Variants in RHBDD1 observed in about 807,000 individuals in gnomAD.
RHBDD1 encodes rhomboid domain containing 1.
In RHBDD1, 38 loss-of-function variants were observed where a neutral mutation model predicts 36.3. The observed-to-expected ratio is 1.05, with a 90% CI of 0.81 to 1.37. The LOEUF (loss-of-function observed/expected upper bound fraction) is 1.37. Ranked by LOEUF, RHBDD1 falls within the 40% of genes most tolerant of loss-of-function variation. The pLI, the probability that RHBDD1 is intolerant of heterozygous loss-of-function variation, is 0.00. For synonymous variants in RHBDD1, 151 were observed against 136.5 expected (o/e 1.11, Z -0.74); for missense variants, 393 against 377.6 (o/e 1.04, Z -0.34).
rs754460541 is a variant in RHBDD1 at position 226,864,757 on chromosome 2, G to A, written c.64G>A (p.Val22Ile). 26 of 1,614,026 alleles carry A rather than the reference G, an allele frequency of 1.6e-5. No homozygotes were observed. Among genetic ancestry groups the A allele is most frequent in the African/African-American group, 2.7e-5 (2 of 74,906 alleles). Reference protein sequence around the residue: ...LILLLSQIFHVGINNIPPVTL... With the variant: ...LILLLSQIFHIGINNIPPVTL... ...TCTACTCCTTTCTCAAATCTTCCAT[G>A]TTGGGATCAACAATATTCCACCTGT... The change falls in exon 4 of 9, where the codon GTT becomes ATT. Residue 22 changes from valine (V) to isoleucine (I), a missense_variant. Val to Ile is a conservative substitution (Grantham distance 29, BLOSUM62 3). Coordinates refer to ENST00000392062, the MANE Select transcript of RHBDD1 (RefSeq NM_001167608.3).
At chr2:226,924,230 G>A (rs1354961138) in intron 8 of RHBDD1, among the ~76,000 whole-genome samples, 2 of 152,108 alleles carry the variant, frequency 1.3e-5, no homozygotes, top group Non-Finnish European at 2.9e-5. Flanking sequence ...AGCAGGTGAT[G>A]AATCCTGCTA....
the RHBDD1 span, among the ~76,000 whole-genome samples, chr2:226,827,824 A>G: frequency 1.3e-5 from 2 of 152,216 alleles, no homozygotes; most frequent in Admixed American, 1.3e-4. Context: ...TCCTTCATCA[A>G]AAGAATAATT....
At chr2:226,847,691 G>A (rs940582314) in intron 3 of RHBDD1, among the ~76,000 whole-genome samples, 4 of 152,208 alleles carry the variant, frequency 2.6e-5, no homozygotes, top group African/African-American at 9.7e-5. Flanking sequence ...CTATGTCAAG[G>A]CCTCTAATGT....
Position 226,864,680 on chromosome 2 carries a change from C to T in RHBDD1, c.-14C>T, listed in dbSNP as rs377205809. On this transcript the variant is annotated 5_prime_UTR_variant, in exon 4 of 9. Transcript: ENST00000392062. Reference sequence around the variant, plus strand: ...CGTTTTCCCATTGCTGAGCTGTTTCCCTGATATCTGGCCATGCAACGGAGA... The same window carrying T: ...CGTTTTCCCATTGCTGAGCTGTTTCTCTGATATCTGGCCATGCAACGGAGA... 46 of 1,607,544 alleles carry T rather than the reference C, an allele frequency of 2.9e-5. No individual in the cohort carries two copies. The highest frequency in any genetic ancestry group is 3.3e-4 in the Middle Eastern group (2 of 6,058).
At chr2:226,860,009 T>TA (rs55874400) in intron 3 of RHBDD1, among the ~76,000 whole-genome samples, 185 of 151,626 alleles carry the variant, frequency 1.2e-3, no homozygotes, top group East Asian at 1.9e-3. Flanking sequence ...AGTAGATTGA[T>TA]AAAAAAAAAC....
At chr2:226,927,334 G>GTTTTTTTTTTTTTTTTTTT (rs11453624) in intron 8 of RHBDD1, among the ~76,000 whole-genome samples, 1 of 150,752 alleles carries the variant, frequency 6.6e-6, no homozygotes. Context: ...TATACCAGAA[G>GTTTTTTTTTTTTTTTTTTT]TTTTTTTTTG....
the RHBDD1 span, among the ~76,000 whole-genome samples, chr2:226,805,322 T>G: frequency 6.6e-6 from 1 of 152,172 alleles, no homozygotes; most frequent in Non-Finnish European, 1.5e-5. Flanking sequence ...AAGCAATTCT[T>G]CTGCCTCAGT....
chr2:226,995,843 T>TCA lies in RHBDD1; in HGVS notation c.*323_*324dup, dbSNP rs894749784. ...GGTCTGCTTTTGAAGACTGTGACCT[T>TCA]CACCAGGAGGTTTTACTTACACCAG... is the stretch of plus-strand genomic sequence containing the variant. On this transcript the variant is annotated 3_prime_UTR_variant, in exon 9 of 9. Transcript: ENST00000392062. The TCA allele has an allele frequency of 1.7e-5, 5 of 301,454 alleles. No homozygotes were observed. In the Admixed American group the frequency reaches 2.0e-4, roughly 12 times the overall value. 18.7% of individuals were successfully genotyped at this position (301,454 alleles called of 1,614,324 possible).
At chr2:226,913,052 A>G (rs1948633350) in intron 7 of RHBDD1, among the ~76,000 whole-genome samples, 1 of 152,236 alleles carries the variant, frequency 6.6e-6, no homozygotes, top group African/African-American at 2.4e-5. Context: ...ATACAACAGT[A>G]AATTTTAAAA....
intron 8 of RHBDD1, among the ~76,000 whole-genome samples, chr2:226,916,661 G>C (rs1050740530): frequency 6.6e-6 from 1 of 152,152 alleles, no homozygotes; most frequent in African/African-American, 2.4e-5. Flanking sequence ...TTCTAAAGTA[G>C]CAAGCCTTCA....
intron 5 of RHBDD1, among the ~76,000 whole-genome samples, chr2:226,898,710 A>G (rs1947333162): frequency 6.6e-6 from 1 of 152,210 alleles, no homozygotes; most frequent in Non-Finnish European, 1.5e-5. Context: ...AGTGTTCAAA[A>G]ACCTGAAAAA....
chr2:226,957,670 G>A (rs1033014135), intron 8 of RHBDD1, among the ~76,000 whole-genome samples: 1 of 152,096 alleles, frequency 6.6e-6, no homozygotes. Context: ...CTTCTATCAA[G>A]TCTATATAAG....
the RHBDD1 span, among the ~76,000 whole-genome samples, chr2:226,820,034 G>A: frequency 6.8e-6 from 1 of 146,856 alleles, no homozygotes; most frequent in African/African-American, 2.5e-5. Flanking sequence ...AGCTAGGGCA[G>A]CTGAAGATCT....
chr2:226,828,820 T>C, the RHBDD1 span, among the ~76,000 whole-genome samples: 1 of 152,202 alleles, frequency 6.6e-6, no homozygotes. Flanking sequence ...AGATACAATA[T>C]TTGCAAATAT....
chr2:226,844,566 T>G (rs1464798740), intron 3 of RHBDD1, among the ~76,000 whole-genome samples: 1 of 151,936 alleles, frequency 6.6e-6, no homozygotes, highest in Non-Finnish European at 1.5e-5. Flanking sequence ...GAGCAGGGAG[T>G]GGTGGTAGCT....
In RHBDD1 at chr2:226,896,812, T is replaced by A. The variant is rs112778123; in HGVS notation, c.567-9981T>A. 8.7e-3 allele frequency among the ~76,000 whole-genome samples: 1,312 copies of A among 151,038 alleles called. 6 individuals carry two copies. The highest frequency in any genetic ancestry group is 0.017 in the Middle Eastern group (5 of 294). On this transcript the variant is annotated intron_variant, in intron 5 of 8. Coordinates refer to ENST00000392062, the MANE Select transcript of RHBDD1 (RefSeq NM_001167608.3). ...TGCTTACTATTAGTTATCTCAAAAA[T>A]TTTTTTTTTGAGGCAGAGTCCCCAC... is the stretch of plus-strand genomic sequence containing the variant.
chr2:226,905,843 A>G (rs1376443145), intron 5 of RHBDD1, among the ~76,000 whole-genome samples: 1 of 152,056 alleles, frequency 6.6e-6, no homozygotes, highest in Admixed American at 6.6e-5. Context: ...GGGAAGTGGG[A>G]GTGGCACCCC....
intron 3 of RHBDD1, among the ~76,000 whole-genome samples, chr2:226,840,949 T>A (rs1022415565): frequency 3.9e-5 from 6 of 152,132 alleles, no homozygotes; most frequent in African/African-American, 1.4e-4. Context: ...CTACGTTTTT[T>A]AAAAATATAT....
the RHBDD1 span, chr2:226,800,349 A>G: frequency 6.6e-6 from 1 of 152,266 alleles, no homozygotes; most frequent in African/African-American, 2.4e-5. Flanking sequence ...AGGTTTTTCT[A>G]AAGGACTTCT....
Sources: gnomAD v4.1 joint callset for allele counts (sites outside exome capture counted in the v4.1 genomes callset) on GRCh38, gnomAD v4.1.1 for gene constraint, MANE v1.5 for transcripts, NCBI Gene and HGNC (gene_info 2026-07-23, HGNC 2026-07-21) for gene names.